The following IGFBP7 variants were observed in gnomAD, a reference collection of about 807,000 sequenced individuals.
IGFBP7 encodes the protein insulin-like growth factor-binding protein 7.
IGFBP7 carries 31 observed loss-of-function variants against 29.4 expected under a neutral mutation model. The observed-to-expected ratio is 1.05, with a 90% CI of 0.79 to 1.42. IGFBP7 has a LOEUF of 1.42. Among genes scored for constraint, IGFBP7 ranks in the 40% most tolerant of loss-of-function variants. IGFBP7 has a pLI of 0.00. For missense variants in IGFBP7, 393 were observed against 395.5 expected (o/e 0.99, Z 0.05); for synonymous variants, 172 against 174.9 (o/e 0.98, Z 0.13).
intron 1 of IGFBP7, among the ~76,000 whole-genome samples, chr4:57,047,977 G>C (rs530670154): frequency 6.6e-6 from 1 of 152,224 alleles, no homozygotes; most frequent in African/African-American, 2.4e-5. Context: ...CAGGCAACCT[G>C]CCTGCCTCGG....
At chr4:57,094,860 C>A (rs1324764800) in intron 1 of IGFBP7, among the ~76,000 whole-genome samples, 1 of 152,216 alleles carries the variant, frequency 6.6e-6, no homozygotes, top group East Asian at 1.9e-4. Context: ...TTGCCTCCCC[C>A]AAATCAAATC....
intron 1 of IGFBP7, among the ~76,000 whole-genome samples, chr4:57,042,749 G>A (rs1724261846): frequency 6.6e-6 from 1 of 152,274 alleles, no homozygotes; most frequent in African/African-American, 2.4e-5. Context: ...TTGGAACACA[G>A]CCACACTTAT....
chr4:57,103,691 C>T (rs1725956729), intron 1 of IGFBP7, among the ~76,000 whole-genome samples: 1 of 93,648 alleles, frequency 1.1e-5, no homozygotes, highest in Non-Finnish European at 1.9e-5. Context: ...CAGGGTCTTG[C>T]CCTGTTACCC....
At chr4:57,073,249 T>G in intron 1 of IGFBP7, 2 of 604,448 alleles carry the variant, frequency 3.3e-6, no homozygotes, top group Non-Finnish European at 2.7e-6. Context: ...ATTATTATTA[T>G]TATTATTAGT....
chr4:57,057,385 G>A (rs900188159), intron 1 of IGFBP7, among the ~76,000 whole-genome samples: 1 of 152,152 alleles, frequency 6.6e-6, no homozygotes, highest in Non-Finnish European at 1.5e-5. Context: ...GTATCCTAAC[G>A]GTCACGTGAA....
chr4:57,099,964 C>T (rs906878568), intron 1 of IGFBP7, among the ~76,000 whole-genome samples: 12 of 152,004 alleles, frequency 7.9e-5, no homozygotes, highest in Non-Finnish European at 1.5e-4. Context: ...CTTGAACTCC[C>T]GGTCTCAAGG....
chr4:57,084,264 G>A (rs1455718781), intron 1 of IGFBP7, among the ~76,000 whole-genome samples: 1 of 152,146 alleles, frequency 6.6e-6, no homozygotes, highest in Non-Finnish European at 1.5e-5. Context: ...CTCTAATGAA[G>A]TCACTGAATT....
At chr4:57,069,200 G>A (rs1182671359) in intron 1 of IGFBP7, among the ~76,000 whole-genome samples, 1 of 152,154 alleles carries the variant, frequency 6.6e-6, no homozygotes, top group Non-Finnish European at 1.5e-5. Flanking sequence ...ATCTTGAGTT[G>A]TCCAGTAAAG....
intron 1 of IGFBP7, among the ~76,000 whole-genome samples, chr4:57,053,399 A>G (rs1284674267): frequency 6.6e-6 from 1 of 151,752 alleles, no homozygotes; most frequent in East Asian, 1.9e-4. Flanking sequence ...AAAGAGTCTG[A>G]CTCCAGGGTG....
In IGFBP7 at chr4:57,107,985, T is replaced by C. The variant is rs567235270; in HGVS notation, c.475+1892A>G. Among the ~76,000 whole-genome samples, 39 of 152,354 alleles carry C rather than the reference T, an allele frequency of 2.6e-4. No homozygotes were observed. The South Asian group carries it at 6.2e-3, about 24-fold the overall frequency. On this transcript the variant is annotated intron_variant, in intron 1 of 4. Coordinates refer to ENST00000295666, the MANE Select transcript of IGFBP7 (RefSeq NM_001553.3). The stretch of plus-strand genomic sequence containing the variant: ...TAACCTTCTGCTCTGATAAGGCAAG[T>C]ATCTGCCATTTTGAAAAAACTATAA...
At chr4:57,099,203 A>T (rs146570654) in intron 1 of IGFBP7, among the ~76,000 whole-genome samples, 1 of 152,322 alleles carries the variant, frequency 6.6e-6, no homozygotes, top group African/African-American at 2.4e-5. Context: ...CCTTCAAGAA[A>T]AACAACATGA....
At chr4:57,104,345 T>C (rs1417413590) in intron 1 of IGFBP7, among the ~76,000 whole-genome samples, 1 of 152,168 alleles carries the variant, frequency 6.6e-6, no homozygotes, top group Non-Finnish European at 1.5e-5. Flanking sequence ...AAGTGATTCT[T>C]GGCTTTTCCT....
At chr4:57,073,210 T>C in intron 1 of IGFBP7, 2 of 943,358 alleles carry the variant, frequency 2.1e-6, no homozygotes, top group South Asian at 3.2e-5. Flanking sequence ...GATTTTTGTA[T>C]AGCACTCTGT....
intron 1 of IGFBP7, among the ~76,000 whole-genome samples, chr4:57,063,130 A>G (rs1724837829): frequency 1.3e-5 from 2 of 148,984 alleles, no homozygotes. Flanking sequence ...TATTCCCCCC[A>G]TTTCCCACCC....
Position 57,109,930 on chromosome 4 carries a change from T to C in IGFBP7, c.422A>G (p.Glu141Gly). The part of the protein sequence containing the change: ...CQLRAASQRA[E>G]SRGEKAITQV... ...GGTGATGGCCTTCTCCCCGCGGCTC[T>C]CGGCCCTCTGGCTGGCGGCGCGCAG... is the stretch of plus-strand genomic sequence containing the variant. Residue 141 changes from glutamate (E) to glycine (G), a missense_variant, in exon 1 of 5, where the codon GAG (glutamate) becomes GGG (glycine). Glu to Gly is a moderately conservative substitution (Grantham distance 98, BLOSUM62 -2). Transcript: ENST00000295666. The C allele has an allele frequency of 6.4e-7, 1 of 1,558,200 alleles. No individual in the cohort carries two copies. The highest frequency in any genetic ancestry group is 8.6e-7 in the Non-Finnish European group (1 of 1,158,382).
At chr4:57,061,885 A>T (rs955696770) in intron 1 of IGFBP7, among the ~76,000 whole-genome samples, 1 of 152,122 alleles carries the variant, frequency 6.6e-6, no homozygotes, top group African/African-American at 2.4e-5. Context: ...CTGGTCTCAA[A>T]CTTCTGGGCT....
At chr4:57,084,624 T>C (rs1477627832) in intron 1 of IGFBP7, among the ~76,000 whole-genome samples, 2 of 152,106 alleles carry the variant, frequency 1.3e-5, no homozygotes, top group Admixed American at 6.6e-5. Context: ...CCACCACTTA[T>C]AAGGCACTGC....
intron 1 of IGFBP7, among the ~76,000 whole-genome samples, chr4:57,062,641 A>T (rs1304374939): frequency 6.6e-6 from 1 of 152,208 alleles, no homozygotes; most frequent in Non-Finnish European, 1.5e-5. Context: ...TTGGATTTTA[A>T]TGTTTTCAAT....
chr4:57,039,459 C>A (rs1191491291), intron 2 of IGFBP7, among the ~76,000 whole-genome samples: 2 of 152,052 alleles, frequency 1.3e-5, no homozygotes, highest in African/African-American at 4.8e-5. Flanking sequence ...ATTCTCACGA[C>A]AGGGGGGATG....
Sources: allele counts gnomAD v4.1 joint callset (sites outside exome capture counted in the v4.1 genomes callset), GRCh38; gene constraint gnomAD v4.1.1; transcripts MANE v1.5; gene names NCBI Gene and HGNC (gene_info 2026-07-23, HGNC 2026-07-21).